PI4KA: variants seen among roughly 807,000 people sequenced by gnomAD.
PI4KA encodes phosphatidylinositol 4-kinase alpha.
Under a neutral mutation model 271.4 loss-of-function variants are expected in PI4KA, and 122 were observed. The observed-to-expected ratio is 0.45, with a 90% CI of 0.39 to 0.52. The LOEUF (loss-of-function observed/expected upper bound fraction) is 0.52. Ranked by LOEUF, PI4KA falls within the 20% of genes least tolerant of loss-of-function variation. The pLI, the probability that PI4KA is intolerant of heterozygous loss-of-function variation, is 0.00. For missense variants in PI4KA, 1,969 were observed against 2,769.1 expected (o/e 0.71, Z 6.48); for synonymous variants, 1,041 against 1,078.8 (o/e 0.96, Z 0.69).
At chr22:20,829,473 TTTA>T (rs200710375) in intron 3 of PI4KA, among the ~76,000 whole-genome samples, 375 of 152,230 alleles carry the variant, frequency 2.5e-3, no homozygotes, top group Admixed American at 4.9e-3. Context: ...GTTGGGTTTT[TTTA>T]TTATTATTAT....
chr22:20,829,173 T>C (rs945860065), intron 3 of PI4KA, among the ~76,000 whole-genome samples: 1 of 152,116 alleles, frequency 6.6e-6, no homozygotes, highest in African/African-American at 2.4e-5. Context: ...GCTACCCTCA[T>C]AGAATTAGGG....
intron 9 of PI4KA, among the ~76,000 whole-genome samples, chr22:20,807,873 A>G (rs1159128409): frequency 6.6e-6 from 1 of 152,190 alleles, no homozygotes; most frequent in Non-Finnish European, 1.5e-5. Flanking sequence ...ACCTTCAGAT[A>G]CAACTTATGT....
In PI4KA at chr22:20,710,885, G is replaced by A. The variant is rs762526080; in HGVS notation, c.5924-27C>T. 4 of 1,609,884 alleles carry A rather than the reference G, an allele frequency of 2.5e-6. No individual in the cohort carries two copies. In the South Asian group the frequency reaches 3.3e-5, roughly 13 times the overall value. ...TGCAAAACCCCAAAGAGCTGCCTGTGACTGGGTAGGAGCCAGGGCGGGCAA... is the reference window on the plus strand; with the variant it reads ...TGCAAAACCCCAAAGAGCTGCCTGTAACTGGGTAGGAGCCAGGGCGGGCAA... On this transcript the variant is annotated intron_variant, in intron 51 of 54. Coordinates refer to ENST00000255882, the MANE Select transcript of PI4KA (RefSeq NM_058004.4).
chr22:20,780,324 T>G (rs1023971458), intron 19 of PI4KA: 2 of 1,468,902 alleles, frequency 1.4e-6, no homozygotes, highest in East Asian at 4.5e-5. Context: ...GACACAAGAT[T>G]GACTCTGGAA....
chr22:20,746,989 A>G (rs989248590), intron 29 of PI4KA, among the ~76,000 whole-genome samples: 1 of 152,182 alleles, frequency 6.6e-6, no homozygotes, highest in Non-Finnish European at 1.5e-5. Flanking sequence ...GGAAGCACAC[A>G]TGGCCAGGCT....
At chr22:20,722,529 A>G (rs1296181020) in intron 42 of PI4KA, among the ~76,000 whole-genome samples, 1 of 152,150 alleles carries the variant, frequency 6.6e-6, no homozygotes, top group Non-Finnish European at 1.5e-5. Flanking sequence ...TAATATACAC[A>G]ACTGTGGTCA....
chr22:20,729,266 G>A (rs1927720228), intron 39 of PI4KA, 47 bp downstream of exon 39: 1 of 1,554,590 alleles, frequency 6.4e-7, no homozygotes, highest in East Asian at 2.2e-5. Context: ...ACCCTGCGCT[G>A]GACCTCTGGT....
At chr22:20,735,874 G>A (rs1928654860) in intron 32 of PI4KA, among the ~76,000 whole-genome samples, 1 of 152,154 alleles carries the variant, frequency 6.6e-6, no homozygotes. Flanking sequence ...AAAAAATGGG[G>A]GGGACCCCAG....
chr22:20,760,736 T>C (rs1399146128), intron 23 of PI4KA, among the ~76,000 whole-genome samples: 3 of 152,198 alleles, frequency 2.0e-5, no homozygotes, highest in Admixed American at 6.5e-5. Flanking sequence ...TTTTTATGCC[T>C]TCCTACAGTT....
intron 47 of PI4KA, among the ~76,000 whole-genome samples, chr22:20,714,124 T>C (rs1331121390): frequency 2.0e-5 from 3 of 152,120 alleles, no homozygotes; most frequent in African/African-American, 7.2e-5. Flanking sequence ...ACGGCCCTGA[T>C]GATGGACTCC....
chr22:20,815,223 A>C (rs767630685), intron 7 of PI4KA, among the ~76,000 whole-genome samples: 1 of 151,832 alleles, frequency 6.6e-6, no homozygotes, highest in African/African-American at 2.4e-5. Context: ...CCTACTAAAA[A>C]TACAAAAATT....
intron 19 of PI4KA, chr22:20,786,256 G>C (rs1934216603): frequency 7.8e-7 from 1 of 1,274,166 alleles, no homozygotes; most frequent in East Asian, 2.3e-5. Flanking sequence ...TCCCAGCTTG[G>C]GGTGCTGAGT....
intron 22 of PI4KA, among the ~76,000 whole-genome samples, chr22:20,763,008 T>C (rs1265100885): frequency 9.4e-5 from 3 of 32,008 alleles, no homozygotes; most frequent in Non-Finnish European, 1.9e-4. Flanking sequence ...GTTTTTTTGC[T>C]TTTTTTTTTG....
chr22:20,763,303 G>C (rs1932191413), intron 22 of PI4KA, among the ~76,000 whole-genome samples: 2 of 151,890 alleles, frequency 1.3e-5, no homozygotes, highest in African/African-American at 4.8e-5. Flanking sequence ...GTAGAGACGG[G>C]GTTTCACCAT....
chr22:20,844,649 C>A (rs1175550533), intron 1 of PI4KA, among the ~76,000 whole-genome samples: 2 of 152,200 alleles, frequency 1.3e-5, no homozygotes, highest in Non-Finnish European at 2.9e-5. Context: ...CATCTGAAAA[C>A]TTGAACCTGG....
chr22:20,847,496 G>T (rs910058540), intron 1 of PI4KA, among the ~76,000 whole-genome samples: 1 of 152,062 alleles, frequency 6.6e-6, no homozygotes, highest in Non-Finnish European at 1.5e-5. Context: ...AGGCTGAGGC[G>T]GGTGGATCTC....
chr22:20,813,274 T>A, intron 8 of PI4KA, 84 bp downstream of exon 8: 1 of 1,059,286 alleles, frequency 9.4e-7, no homozygotes, highest in South Asian at 1.5e-5. Flanking sequence ...GTACTCTGAG[T>A]TTTTCTTTTA....
At chr22:20,813,262 TG>T in intron 8 of PI4KA, 95 bp downstream of exon 8, 1 of 875,516 alleles carries the variant, frequency 1.1e-6, no homozygotes, top group Non-Finnish European at 1.8e-6. Context: ...TTTGAAATAC[TG>T]GTACTCTGAG....
intron 50 of PI4KA, 157 bp downstream of exon 50, chr22:20,712,329 A>C (rs1363401461): frequency 2.0e-6 from 2 of 982,616 alleles, no homozygotes; most frequent in Non-Finnish European, 2.4e-6. Context: ...TGCTAGGATT[A>C]CAGGTGTGAG....
Sources: gnomAD v4.1 joint callset for allele counts (sites outside exome capture counted in the v4.1 genomes callset) on GRCh38, gnomAD v4.1.1 for gene constraint, MANE v1.5 for transcripts, NCBI Gene and HGNC (gene_info 2026-07-23, HGNC 2026-07-21) for gene names.